KCNQ1OT1: variants seen among roughly 807,000 people sequenced by gnomAD.
KCNQ1OT1 encodes the protein KCNQ1 antisense RNA 2 (non-protein coding).
exon 1 of KCNQ1OT1, chr11:2,693,135 C>T: frequency 1.0e-5 from 4 of 398,632 alleles, no homozygotes; most frequent in Non-Finnish European, 1.8e-5. Flanking sequence ...TGTCAATCAC[C>T]AGATAGCCCT....
Position 2,622,459 on chromosome 11 carries a change from T to C in KCNQ1OT1, n.77536A>G, listed in dbSNP as rs142218361. The C allele has an allele frequency of 2.4e-3, 958 of 398,456 alleles. 4 individuals carry two copies. Among genetic ancestry groups the C allele is most frequent in the African/African-American group, 0.018 (855 of 48,750 alleles). 24.7% of individuals were successfully genotyped at this position (398,456 alleles called of 1,614,324 possible). On this transcript the variant is annotated non_coding_transcript_exon_variant, in exon 1 of 1. Transcript: ENST00000597346. ...GTCTTTAGACCAAAAGTGAGTTTGT[T>C]ATATACAGCATAGGTTGATGGTTTT...
chr11:2,619,333 T>C, exon 1 of KCNQ1OT1: 1 of 398,558 alleles, frequency 2.5e-6, no homozygotes, highest in African/African-American at 2.1e-5. Flanking sequence ...GCATTCGTTA[T>C]ATTGAGGAGT....
At chr11:2,692,753 G>A (rs1430454514) in exon 1 of KCNQ1OT1, 9 of 398,520 alleles carry the variant, frequency 2.3e-5, no homozygotes, top group Non-Finnish European at 3.5e-5. Flanking sequence ...CTCCCTCTGG[G>A]CCAGGGTCTA....
exon 1 of KCNQ1OT1, chr11:2,629,352 A>G (rs571487311): frequency 2.5e-6 from 1 of 398,202 alleles, no homozygotes; most frequent in South Asian, 1.3e-4. Context: ...CAATTTCTCT[A>G]TTTTTTATTT....
rs1022554760 is a variant in KCNQ1OT1, at chr11:2,621,639, A to G, written n.78356T>C. 7.5e-6 allele frequency: 3 copies of G among 398,196 alleles called. No individual in the cohort carries two copies. The highest frequency in any genetic ancestry group is 1.3e-4 in the South Asian group (1 of 7,862). 24.7% of individuals were successfully genotyped at this position (398,196 alleles called of 1,614,324 possible). A position where few individuals can be genotyped will look rare whatever the true frequency, so the allele number is the denominator to read the frequency against. ...TTGGTTTTTTTCTAGGAATTTGTCC[A>G]TTTCCTCTAGGTTATCCAATTTGTT... On this transcript the variant is annotated non_coding_transcript_exon_variant, in exon 1 of 1. Transcript: ENST00000597346. This position sits in a 1 kb window ranked among gnomAD's most constrained non-coding sequence, Gnocchi z 5.7.
At chr11:2,640,327 C>A (rs4930143) in exon 1 of KCNQ1OT1, 1 of 398,264 alleles carries the variant, frequency 2.5e-6, no homozygotes, top group Non-Finnish European at 4.4e-6. Flanking sequence ...ACTGGAGCTC[C>A]TCCTATTCGG....
At position 2,617,419 on chromosome 11, in the gene KCNQ1OT1, G is replaced by A. The variant is rs954001679; in HGVS notation, n.82576C>T. 38 of 398,052 alleles carry A rather than the reference G, an allele frequency of 9.5e-5. No homozygotes were observed. The East Asian group carries it at 1.1e-3, about 12-fold the overall frequency. 24.7% of individuals were successfully genotyped at this position (398,052 alleles called of 1,614,324 possible). ...GTGGCAGGATCTCCTTTTTTAATGC[G>A]GAATAATATTCCATTGTAGACATAC... On this transcript the variant is annotated non_coding_transcript_exon_variant, in exon 1 of 1. Transcript: ENST00000597346. The surrounding 1 kb of genome is among the most constrained non-coding windows in gnomAD (Gnocchi z 4.6).
In KCNQ1OT1 at chr11:2,699,486, GGGGAGAGT is replaced by G. The variant is rs1564862402; in HGVS notation, n.501_508del. The G allele has an allele frequency of 5.2e-5, 16 of 309,554 alleles. No individual in the cohort carries two copies. The South Asian group carries it at 1.5e-3, about 30-fold the overall frequency. 19.2% of individuals were successfully genotyped at this position (309,554 alleles called of 1,614,324 possible). ...GAGAGTGCCGCGCTGAGGAGCCCCCGGGGAGAGTGCCGCGCTGAGGAGCCCCCAGGAGA... is the reference window on the plus strand; with the variant it reads ...GAGAGTGCCGCGCTGAGGAGCCCCCGGCCGCGCTGAGGAGCCCCCAGGAGA... On this transcript the variant is annotated non_coding_transcript_exon_variant, in exon 1 of 1. Transcript: ENST00000597346.
Position 2,611,770 on chromosome 11 carries a change from C to T in KCNQ1OT1, n.88225G>A, listed in dbSNP as rs532728085. 1.0e-5 allele frequency: 4 copies of T among 398,378 alleles called. No individual in the cohort carries two copies. The highest frequency in any genetic ancestry group is 1.8e-5 in the Non-Finnish European group (4 of 226,008). 24.7% of individuals were successfully genotyped at this position (398,378 alleles called of 1,614,324 possible). A position where few individuals can be genotyped will look rare whatever the true frequency, so the allele number is the denominator to read the frequency against. The stretch of plus-strand genomic sequence containing the variant: ...GTTGTTATTTATTTTCTATATGTCT[C>T]ATATCACTTTTGTTCCTCTCTTCCT... On this transcript the variant is annotated non_coding_transcript_exon_variant, in exon 1 of 1. Coordinates refer to ENST00000597346, the Ensembl canonical transcript of KCNQ1OT1. This position sits in a 1 kb window ranked among gnomAD's most constrained non-coding sequence, Gnocchi z 5.3.
Position 2,663,222 on chromosome 11 carries a change from G to A in KCNQ1OT1, n.36773C>T. On this transcript the variant is annotated non_coding_transcript_exon_variant, in exon 1 of 1. Coordinates refer to ENST00000597346, the Ensembl canonical transcript of KCNQ1OT1. This position sits in a 1 kb window ranked among gnomAD's most constrained non-coding sequence, Gnocchi z 5.2. ...TGGGTAGGGTGTGAAGAGGCTCCAA[G>A]GGAGCCAGCAGATCACTGGAAAGCA... 1 of 398,750 alleles carries A rather than the reference G, an allele frequency of 2.5e-6. No homozygotes were observed. The allele number at this position is 398,750 out of a possible 1,614,324, so 24.7% of individuals were successfully genotyped here. A position where few individuals can be genotyped will look rare whatever the true frequency, so the allele number is the denominator to read the frequency against.
In KCNQ1OT1 at chr11:2,661,143, G is replaced by A; in HGVS notation, n.38852C>T. 1 of 398,582 alleles carries A rather than the reference G, an allele frequency of 2.5e-6. No homozygotes were observed. Among genetic ancestry groups the A allele is most frequent in the Non-Finnish European group, 4.4e-6 (1 of 226,072 alleles). The allele number at this position is 398,582 out of a possible 1,614,324, so 24.7% of individuals were successfully genotyped here. A position where few individuals can be genotyped will look rare whatever the true frequency, so the allele number is the denominator to read the frequency against. Reference sequence around the variant, plus strand: ...TCGGATGAGCAGAGAGGGTGGGCTAGGGATCTAGTTGGCAGTTAACACTGA... The same window carrying A: ...TCGGATGAGCAGAGAGGGTGGGCTAAGGATCTAGTTGGCAGTTAACACTGA... On this transcript the variant is annotated non_coding_transcript_exon_variant, in exon 1 of 1. Coordinates refer to ENST00000597346, the Ensembl canonical transcript of KCNQ1OT1. The surrounding 1 kb of genome is among the most constrained non-coding windows in gnomAD (Gnocchi z 5.9).
exon 1 of KCNQ1OT1, chr11:2,675,558 A>G (rs1025089965): frequency 2.5e-6 from 1 of 398,574 alleles, no homozygotes; most frequent in African/African-American, 2.1e-5. Flanking sequence ...TTCTGTAATA[A>G]GACATACGTA....
Position 2,698,569 on chromosome 11 carries a change from T to G in KCNQ1OT1, n.1426A>C, listed in dbSNP as rs940048387. ...TTTACTTCGCCCCCTAATTCCTGAC[T>G]CAGAATCCCCACCTAGAGGCAGAAC... On this transcript the variant is annotated non_coding_transcript_exon_variant, in exon 1 of 1. Transcript: ENST00000597346. This position sits in a 1 kb window ranked among gnomAD's most constrained non-coding sequence, Gnocchi z 5.1. 4 of 397,778 alleles carry G rather than the reference T, an allele frequency of 1.0e-5. No homozygotes were observed. Among genetic ancestry groups the G allele is most frequent in the African/African-American group, 2.1e-5 (1 of 48,262 alleles). 24.6% of individuals were successfully genotyped at this position (397,778 alleles called of 1,614,324 possible).
rs553260474 is a variant in KCNQ1OT1, at chr11:2,623,137, C to T, written n.76858G>A. ...TGGCACTTCCCATCTCACTTTCTTT[C>T]CCTCTCCTGTTCTGCCATGGTAAAG... On this transcript the variant is annotated non_coding_transcript_exon_variant, in exon 1 of 1. Coordinates refer to ENST00000597346, the Ensembl canonical transcript of KCNQ1OT1. The surrounding 1 kb of genome is among the most constrained non-coding windows in gnomAD (Gnocchi z 5.2). 1.5e-3 allele frequency: 581 copies of T among 398,572 alleles called. 3 individuals carry two copies. The highest frequency in any genetic ancestry group is 0.01 in the African/African-American group (502 of 48,708). The allele number at this position is 398,572 out of a possible 1,614,324, so 24.7% of individuals were successfully genotyped here. A position where few individuals can be genotyped will look rare whatever the true frequency, so the allele number is the denominator to read the frequency against.
Position 2,658,078 on chromosome 11 carries a change from G to T in KCNQ1OT1, n.41917C>A, listed in dbSNP as rs1356441672. 1 of 398,422 alleles carries T rather than the reference G, an allele frequency of 2.5e-6. No individual in the cohort carries two copies. The highest frequency in any genetic ancestry group is 2.1e-5 in the African/African-American group (1 of 48,602). The allele number at this position is 398,422 out of a possible 1,614,324, so 24.7% of individuals were successfully genotyped here. A position where few individuals can be genotyped will look rare whatever the true frequency, so the allele number is the denominator to read the frequency against. On this transcript the variant is annotated non_coding_transcript_exon_variant, in exon 1 of 1. Transcript: ENST00000597346. The surrounding 1 kb of genome is among the most constrained non-coding windows in gnomAD (Gnocchi z 4.9). ...GCCCACACTCAAGGTGGGGAAGGGA[G>T]GGGTTCAACTCTACCTCCTGCAGGA... is the stretch of plus-strand genomic sequence containing the variant.
chr11:2,646,644 G>C (rs1849670474), exon 1 of KCNQ1OT1: 4 of 398,492 alleles, frequency 1.0e-5, no homozygotes, highest in Non-Finnish European at 1.3e-5. Context: ...TCCCATCTCA[G>C]CCTCCTGAGT....
chr11:2,635,202 AATT>A (rs1408135119), exon 1 of KCNQ1OT1: 2 of 152,114 alleles, frequency 1.3e-5, no homozygotes, highest in Non-Finnish European at 2.9e-5. Flanking sequence ...CCCATTTGTC[AATT>A]TTGGCTTTTG....
chr11:2,634,182 T>A (rs1452544624), exon 1 of KCNQ1OT1: 6 of 397,482 alleles, frequency 1.5e-5, no homozygotes, highest in Admixed American at 4.4e-5. Flanking sequence ...CCCTTTTTTT[T>A]ATTATACTTT....
exon 1 of KCNQ1OT1, chr11:2,694,411 A>G (rs1850639033): frequency 2.5e-6 from 1 of 398,580 alleles, no homozygotes. Context: ...TCAACTAGGT[A>G]GAGACCAGGC....
Sources: allele counts gnomAD v4.1 joint callset, GRCh38; gene constraint gnomAD v4.1.1; non-coding constraint Gnocchi (gnomAD v3.1); transcripts MANE v1.5; gene names NCBI Gene and HGNC (gene_info 2026-07-23, HGNC 2026-07-21).